The following WWOX variants were observed in gnomAD, a reference collection of about 807,000 sequenced individuals.
WWOX encodes the protein WW domain containing oxidoreductase.
A neutral mutation model predicts 46.2 loss-of-function variants in WWOX; 69 were observed. The observed-to-expected ratio is 1.49, with a 90% CI of 1.23 to 1.82. WWOX has a LOEUF of 1.82. WWOX is among the 40% of genes most tolerant of loss of function. WWOX has a pLI of 0.00. For missense variants in WWOX, 919 were observed against 542.6 expected, an observed-to-expected ratio of 1.69 and a Z score of -6.89; for synonymous variants, 359 against 202.6, an observed-to-expected ratio of 1.77 and a Z score of -6.56.
At chr16:78,107,750 A>G (rs2032242635) in intron 1 of WWOX, among the ~76,000 whole-genome samples, 1 of 152,202 alleles carries the variant, frequency 6.6e-6, no homozygotes, top group South Asian at 2.1e-4. Flanking sequence ...TAGGAGGGTT[A>G]CTTGAGTCCA....
At chr16:78,215,646 G>A (rs2036694652) in intron 5 of WWOX, among the ~76,000 whole-genome samples, 1 of 152,138 alleles carries the variant, frequency 6.6e-6, no homozygotes, top group Non-Finnish European at 1.5e-5. Flanking sequence ...GACTAATACA[G>A]GTTGGGCACG....
At chr16:79,055,151 C>T (rs903949593) in intron 8 of WWOX, among the ~76,000 whole-genome samples, 1 of 152,222 alleles carries the variant, frequency 6.6e-6, no homozygotes, top group Non-Finnish European at 1.5e-5. Context: ...CATTCCTCCT[C>T]AGATATGCAC....
At chr16:79,030,114 G>T (rs771957180) in intron 8 of WWOX, among the ~76,000 whole-genome samples, 1 of 152,148 alleles carries the variant, frequency 6.6e-6, no homozygotes, top group Admixed American at 6.5e-5. Flanking sequence ...GTTACAAATG[G>T]AGCTTATTGT....
At chr16:79,074,408 CCTTT>C (rs2048612360) in intron 8 of WWOX, among the ~76,000 whole-genome samples, 2 of 63,570 alleles carry the variant, frequency 3.1e-5, no homozygotes, top group Non-Finnish European at 3.0e-5. Flanking sequence ...TGTCACTAGT[CCTTT>C]TTTTTTTTTT....
At chr16:78,331,362 C>A (rs1315191873) in intron 5 of WWOX, among the ~76,000 whole-genome samples, 2 of 152,022 alleles carry the variant, frequency 1.3e-5, no homozygotes, top group African/African-American at 2.4e-5. Context: ...AACTTATAAC[C>A]CCTTCAGGTC....
intron 8 of WWOX, among the ~76,000 whole-genome samples, chr16:78,657,085 C>T (rs2047098034): frequency 1.3e-5 from 2 of 152,152 alleles, no homozygotes; most frequent in Non-Finnish European, 2.9e-5. Flanking sequence ...TGCCATCATT[C>T]ATGCAATTGC....
At chr16:78,722,976 A>C (rs1484093905) in intron 8 of WWOX, among the ~76,000 whole-genome samples, 1 of 152,124 alleles carries the variant, frequency 6.6e-6, no homozygotes, top group African/African-American at 2.4e-5. Flanking sequence ...CAGGAGTTAG[A>C]GGCTGCAGTG....
chr16:78,133,976 C>T (rs2033699119), intron 4 of WWOX, among the ~76,000 whole-genome samples: 1 of 152,172 alleles, frequency 6.6e-6, no homozygotes, highest in South Asian at 2.1e-4. Flanking sequence ...GTGCCTCTTG[C>T]ACAGGTATTA....
intron 8 of WWOX, among the ~76,000 whole-genome samples, chr16:78,456,919 C>T (rs534262685): frequency 1.3e-5 from 2 of 152,226 alleles, no homozygotes; most frequent in Non-Finnish European, 2.9e-5. Context: ...GCTGATCACC[C>T]TTATGAAGAG....
intron 8 of WWOX, among the ~76,000 whole-genome samples, chr16:78,945,950 T>A (rs1481206866): frequency 6.6e-6 from 1 of 152,058 alleles, no homozygotes. Context: ...TTCTCATCCG[T>A]CTCTTCAGGC....
intron 8 of WWOX, among the ~76,000 whole-genome samples, chr16:78,677,958 A>G (rs1489854657): frequency 6.6e-6 from 1 of 152,170 alleles, no homozygotes; most frequent in Non-Finnish European, 1.5e-5. Flanking sequence ...CTTTTCAGGG[A>G]TGACATCCTT....
chr16:78,188,594 T>C (rs1452511300), intron 5 of WWOX, among the ~76,000 whole-genome samples: 1 of 151,854 alleles, frequency 6.6e-6, no homozygotes, highest in Non-Finnish European at 1.5e-5. Context: ...AATCCCAGAA[T>C]AGTAGGACCA....
At chr16:78,957,985 T>A (rs890189208) in intron 8 of WWOX, among the ~76,000 whole-genome samples, 1 of 152,216 alleles carries the variant, frequency 6.6e-6, no homozygotes, top group East Asian at 1.9e-4. Flanking sequence ...CACTTTCGTT[T>A]TATTTAATGC....
chr16:78,761,601 G>A (rs896336888), intron 8 of WWOX, among the ~76,000 whole-genome samples: 1 of 152,078 alleles, frequency 6.6e-6, no homozygotes, highest in Non-Finnish European at 1.5e-5. Context: ...GTCTAGAGGA[G>A]ATTGGTTTGT....
At position 78,495,145 on chromosome 16, in the gene WWOX, C is replaced by CTTTTTTTTTTTTTTTTTTTTTTTTTTT. The variant is rs71140804; in HGVS notation, c.1056+62407_1056+62408insTTTTTTTTTTTTTTTTTTTTTTTTTTT. ...AAGATTAGTAGTAGACTGTTGTGTTCTTTTTTTTTTTTTTGAGATAGACTC... is the reference window on the plus strand; with the variant it reads ...AAGATTAGTAGTAGACTGTTGTGTTCTTTTTTTTTTTTTTTTTTTTTTTTTTTTTTTTTTTTTTTTTGAGATAGACTC... On this transcript the variant is annotated intron_variant, in intron 8 of 8. Transcript: ENST00000566780. Among the ~76,000 whole-genome samples, 2 of 116,616 alleles carry CTTTTTTTTTTTTTTTTTTTTTTTTTTT rather than the reference C, an allele frequency of 1.7e-5. 1 individual carries two copies. The allele number at this position is 116,616 out of a possible 152,430, so 76.5% of individuals were successfully genotyped here. A position where few individuals can be genotyped will look rare whatever the true frequency, so the allele number is the denominator to read the frequency against.
chr16:78,247,633 T>C (rs186128705), intron 5 of WWOX, among the ~76,000 whole-genome samples: 90 of 152,286 alleles, frequency 5.9e-4, no homozygotes, highest in African/African-American at 2.1e-3. Flanking sequence ...CTGCCCCTTA[T>C]AAAAGCTCAT....
chr16:78,985,253 G>A (rs572180557), intron 8 of WWOX, among the ~76,000 whole-genome samples: 3 of 152,322 alleles, frequency 2.0e-5, no homozygotes, highest in East Asian at 3.9e-4. Context: ...AGGCACAAAC[G>A]CTGTCTTCTG....
In WWOX at chr16:78,839,835, A is replaced by G. The variant is rs927781970; in HGVS notation, c.1057-371773A>G. 5.9e-5 allele frequency among the ~76,000 whole-genome samples: 9 copies of G among 152,190 alleles called. No individual in the cohort carries two copies. In the East Asian group the frequency reaches 1.5e-3, roughly 26 times the overall value. On this transcript the variant is annotated intron_variant, in intron 8 of 8. Coordinates refer to ENST00000566780, the MANE Select transcript of WWOX (RefSeq NM_016373.4). ...AAAACCGTCTCATCATCGTCTAGAG[A>G]TATTTCTCCAAGTGCTTTTGTTTCC... is the stretch of plus-strand genomic sequence containing the variant.
chr16:78,781,955 C>A (rs2050337246), intron 8 of WWOX, among the ~76,000 whole-genome samples: 1 of 152,194 alleles, frequency 6.6e-6, no homozygotes, highest in Admixed American at 6.5e-5. Flanking sequence ...TCTCTTCATT[C>A]TCCAAGTAAG....
Sources: allele counts gnomAD v4.1 joint callset (sites outside exome capture counted in the v4.1 genomes callset), GRCh38; gene constraint gnomAD v4.1.1; transcripts MANE v1.5; gene names NCBI Gene and HGNC (gene_info 2026-07-23, HGNC 2026-07-21).